Variants in ALPL observed in about 807,000 individuals in gnomAD.
ALPL encodes alkaline phosphatase, biomineralization associated.
ALPL carries 42 observed loss-of-function variants against 51.3 expected under a neutral mutation model. The observed-to-expected ratio is 0.82, with a 90% CI of 0.64 to 1.06. ALPL has a LOEUF of 1.06. Among genes scored for constraint, ALPL ranks in the 50% least tolerant of loss-of-function variants. The probability of loss-of-function intolerance (pLI) is 0.00; values close to 1 mark genes in which losing one functional copy is unlikely to be tolerated. For missense variants in ALPL, 589 were observed against 709.4 expected (o/e 0.83, Z 1.93); for synonymous variants, 279 against 296.4 (o/e 0.94, Z 0.60).
chr1:21,513,175 G>A (rs1422398781), intron 1 of ALPL, among the ~76,000 whole-genome samples: 1 of 152,020 alleles, frequency 6.6e-6, no homozygotes, highest in East Asian at 1.9e-4. Context: ...TTAGAAGCTG[G>A]CTCGGTCAAC....
intron 11 of ALPL, among the ~76,000 whole-genome samples, chr1:21,576,865 T>G (rs1046612054): frequency 1.3e-5 from 2 of 152,092 alleles, no homozygotes; most frequent in African/African-American, 4.8e-5. Context: ...GACTTCATCT[T>G]TCTCTGCTTC....
intron 4 of ALPL, among the ~76,000 whole-genome samples, chr1:21,561,474 C>G (rs1055857055): frequency 6.6e-6 from 1 of 152,108 alleles, no homozygotes; most frequent in Non-Finnish European, 1.5e-5. Flanking sequence ...ACTGCAGCCT[C>G]CAACTCCTGG....
At chr1:21,576,972 A>C (rs1019332607) in intron 11 of ALPL, among the ~76,000 whole-genome samples, 1 of 152,138 alleles carries the variant, frequency 6.6e-6, no homozygotes. Flanking sequence ...GTAGGTGCTC[A>C]ATATTTTATA....
intron 1 of ALPL, among the ~76,000 whole-genome samples, chr1:21,531,781 C>T (rs1409217980): frequency 6.6e-6 from 1 of 152,110 alleles, no homozygotes; most frequent in Non-Finnish European, 1.5e-5. Flanking sequence ...TGTATGGGGG[C>T]CTGGGCTTGG....
At chr1:21,516,184 T>C (rs188806709) in intron 1 of ALPL, among the ~76,000 whole-genome samples, 306 of 152,302 alleles carry the variant, frequency 2.0e-3, no homozygotes, top group African/African-American at 7.1e-3. Context: ...CTGGCCAGCC[T>C]GGCCTTTTGG....
intron 7 of ALPL, among the ~76,000 whole-genome samples, chr1:21,568,493 G>A (rs1015637340): frequency 2.0e-5 from 3 of 152,112 alleles, no homozygotes; most frequent in African/African-American, 4.8e-5. Flanking sequence ...AATAACCTGC[G>A]TGGACATTGA....
At chr1:21,536,419 A>G (rs1644106387) in intron 1 of ALPL, among the ~76,000 whole-genome samples, 1 of 152,226 alleles carries the variant, frequency 6.6e-6, no homozygotes, top group African/African-American at 2.4e-5. Context: ...TCTGTGTTCC[A>G]AGTAACAGAA....
chr1:21,554,795 G>GTCTTTCTT (rs1558543640), intron 2 of ALPL, among the ~76,000 whole-genome samples: 4 of 38,980 alleles, frequency 1.0e-4, no homozygotes, highest in Admixed American at 2.5e-4. Flanking sequence ...TGGCCTGTCT[G>GTCTTTCTT]TCTGTCTGTC....
At chr1:21,561,461 C>G (rs1644483828) in intron 4 of ALPL, among the ~76,000 whole-genome samples, 1 of 152,142 alleles carries the variant, frequency 6.6e-6, no homozygotes, top group African/African-American at 2.4e-5. Context: ...GCAGTCATAG[C>G]TCACTGCAGC....
At chr1:21,548,277 TA>T (rs1008200247) in intron 1 of ALPL, among the ~76,000 whole-genome samples, 20 of 152,196 alleles carry the variant, frequency 1.3e-4, no homozygotes, top group African/African-American at 4.3e-4. Context: ...GGAGGGGTCC[TA>T]GGGGTGGGGC....
chr1:21,527,276 C>T (rs997965473), intron 1 of ALPL, among the ~76,000 whole-genome samples: 1 of 152,116 alleles, frequency 6.6e-6, no homozygotes, highest in African/African-American at 2.4e-5. Context: ...AGGTGATCTG[C>T]CTGCCTCAGC....
chr1:21,575,052 C>T (rs1050954445), intron 9 of ALPL, among the ~76,000 whole-genome samples: 3 of 152,178 alleles, frequency 2.0e-5, no homozygotes, highest in Non-Finnish European at 2.9e-5. Context: ...GAAGCGGGGG[C>T]GGAGGCTGCG....
rs1325375175 is a variant in ALPL at position 21,577,606 on chromosome 1, G to A, written c.1533G>A (p.Leu511=). ...SSAGSLAAGP[L]LLALALYPLS... Reference sequence around the variant, plus strand: ...CAGGCAGCCTTGCTGCAGGCCCCCTGCTGCTCGCGCTGGCCCTCTACCCCC... The same window carrying A: ...CAGGCAGCCTTGCTGCAGGCCCCCTACTGCTCGCGCTGGCCCTCTACCCCC... Residue 511 remains leucine (L), a synonymous_variant, in exon 12 of 12, where the codon CTG becomes CTA. Transcript: ENST00000374840. The A allele has an allele frequency of 6.2e-7, 1 of 1,600,170 alleles. No individual in the cohort carries two copies. Among genetic ancestry groups the A allele is most frequent in the East Asian group, 2.2e-5 (1 of 44,842 alleles).
rs113031633 is a variant in ALPL, at chr1:21,511,392, G to A, written c.-105+1875G>A. The stretch of plus-strand genomic sequence containing the variant: ...CTCCCATAAGCTGTGGAGATCAATA[G>A]TGCCTACCAGTGGTGAGGTCTAGAT... On this transcript the variant is annotated intron_variant, in intron 1 of 11. Transcript: ENST00000374840. 3.2e-3 allele frequency among the ~76,000 whole-genome samples: 489 copies of A among 152,290 alleles called. 7 individuals are homozygous for A. Among genetic ancestry groups the A allele is most frequent in the African/African-American group, 0.012 (482 of 41,552 alleles).
chr1:21,519,775 T>G (rs1396619692), intron 1 of ALPL, among the ~76,000 whole-genome samples: 2 of 152,048 alleles, frequency 1.3e-5, no homozygotes, highest in Non-Finnish European at 2.9e-5. Context: ...CCAACCTGAG[T>G]GACAGAGTGA....
chr1:21,577,974 A>G lies in ALPL; in HGVS notation c.*326A>G. 2.2e-6 allele frequency: 1 copy of G among 454,608 alleles called. No homozygotes were observed. The highest frequency in any genetic ancestry group is 4.0e-6 in the Non-Finnish European group (1 of 250,268). The allele number at this position is 454,608 out of a possible 1,614,324, so 28.2% of individuals were successfully genotyped here. On this transcript the variant is annotated 3_prime_UTR_variant, in exon 12 of 12. Transcript: ENST00000374840. Reference sequence around the variant, plus strand: ...CTAGCGAACGTATTTCTCCAGACCCAGAGGCCCTGAAGCCTCCGTGGAACA... The same window carrying G: ...CTAGCGAACGTATTTCTCCAGACCCGGAGGCCCTGAAGCCTCCGTGGAACA...
intron 1 of ALPL, among the ~76,000 whole-genome samples, chr1:21,545,718 C>T (rs1363865952): frequency 6.6e-6 from 1 of 152,222 alleles, no homozygotes; most frequent in Non-Finnish European, 1.5e-5. Context: ...TCTTCTTCTA[C>T]TAAGTGGCTG....
At chr1:21,568,346 G>T in intron 7 of ALPL, 99 bp downstream of exon 7, 1 of 1,541,672 alleles carries the variant, frequency 6.5e-7, no homozygotes, top group Admixed American at 1.9e-5. Context: ...TGTAGAAAGG[G>T]CATCGGAAAT....
Position 21,564,298 on chromosome 1 carries a change from C to T in ALPL, c.648+82C>T, listed in dbSNP as rs553051630. ...AGGAGGCCTCAGGCCCAGGCTGGCC[C>T]GGAGAAAGCAGCCTGGCCTGGCTCC... On this transcript the variant is annotated intron_variant, in intron 6 of 11. Coordinates refer to ENST00000374840, the MANE Select transcript of ALPL (RefSeq NM_000478.6). This position sits in a 1 kb window ranked among gnomAD's most constrained non-coding sequence, Gnocchi z 5.8. 98 of 1,556,590 alleles carry T rather than the reference C, an allele frequency of 6.3e-5. 1 individual carries two copies. In the South Asian group the frequency reaches 7.5e-4, roughly 12 times the overall value.
Sources: allele counts gnomAD v4.1 joint callset (sites outside exome capture counted in the v4.1 genomes callset), GRCh38; gene constraint gnomAD v4.1.1; non-coding constraint Gnocchi (gnomAD v3.1); transcripts MANE v1.5; gene names NCBI Gene and HGNC (gene_info 2026-07-23, HGNC 2026-07-21).